The following DYNLT5 variants were observed in gnomAD, a reference collection of about 807,000 sequenced individuals.
The protein encoded by DYNLT5 is dynein light chain Tctex-type 5.
Under a neutral mutation model 19.3 loss-of-function variants are expected in DYNLT5, and 25 were observed. That is an observed-to-expected ratio of 1.30 (90% CI 0.95 to 1.81). The LOEUF (loss-of-function observed/expected upper bound fraction) is 1.81, where lower values mean the gene tolerates loss of function less well. DYNLT5 is among the 40% of genes most tolerant of loss of function. The pLI, the probability that DYNLT5 is intolerant of heterozygous loss-of-function variation, is 0.00. For synonymous variants in DYNLT5, 82 were observed against 68.9 expected (o/e 1.19, Z -0.94); for missense variants, 232 against 217.9 (o/e 1.06, Z -0.41).
intron 2 of DYNLT5, among the ~76,000 whole-genome samples, chr1:66,763,632 C>T (rs1183123349): frequency 6.6e-6 from 1 of 152,216 alleles, no homozygotes; most frequent in African/African-American, 2.4e-5. Flanking sequence ...TTTTATGTTA[C>T]AGAGATGGCT....
Position 66,754,710 on chromosome 1 carries a change from A to G in DYNLT5, c.52A>G (p.Arg18Gly). The change falls in exon 2 of 5, where the codon AGA becomes GGA. Residue 18 changes from arginine to glycine, a missense_variant. Arg to Gly is a moderately radical substitution (Grantham distance 125, BLOSUM62 -2). Transcript: ENST00000282670. ...CAGAGCAGCTCATTCATGGAAGAAA[A>G]GAGGGAGTATTTCTTCTCTAAGTAA... is the stretch of plus-strand genomic sequence containing the variant. ...KGRAAHSWKK[R>G]GSISSLSNHE... 2 of 1,613,484 alleles carry G rather than the reference A, an allele frequency of 1.2e-6. No individual in the cohort carries two copies. Among genetic ancestry groups the G allele is most frequent in the Admixed American group, 1.7e-5 (1 of 59,978 alleles).
intron 2 of DYNLT5, among the ~76,000 whole-genome samples, chr1:66,767,544 CA>C (rs1420799589): frequency 6.6e-6 from 1 of 152,192 alleles, no homozygotes; most frequent in African/African-American, 2.4e-5. Context: ...AGGCGTGAGC[CA>C]CCACTGCCAG....
chr1:66,777,532 C>A lies in DYNLT5; in HGVS notation c.*78C>A. 2.3e-6 allele frequency: 3 copies of A among 1,279,274 alleles called. No individual in the cohort carries two copies. Among genetic ancestry groups the A allele is most frequent in the Non-Finnish European group, 3.2e-6 (3 of 932,336 alleles). 79.2% of individuals were successfully genotyped at this position (1,279,274 alleles called of 1,614,324 possible). A position where few individuals can be genotyped will look rare whatever the true frequency, so the allele number is the denominator to read the frequency against. On this transcript the variant is annotated 3_prime_UTR_variant, in exon 5 of 5. Coordinates refer to ENST00000282670, the MANE Select transcript of DYNLT5 (RefSeq NM_152665.3). ...TGTCTGTACACAAAAGTTTTACTGCCAAAAACTTTGAGAAAGAAACAACAC... is the reference window on the plus strand; with the variant it reads ...TGTCTGTACACAAAAGTTTTACTGCAAAAAACTTTGAGAAAGAAACAACAC...
chr1:66,774,458 A>G (rs1440340835), intron 3 of DYNLT5, among the ~76,000 whole-genome samples: 3 of 152,148 alleles, frequency 2.0e-5, no homozygotes, highest in Non-Finnish European at 4.4e-5. Context: ...GTGGAATTCA[A>G]CAATTTCTAT....
intron 1 of DYNLT5, among the ~76,000 whole-genome samples, chr1:66,753,771 A>G (rs1049236921): frequency 8.0e-5 from 12 of 150,834 alleles, no homozygotes; most frequent in African/African-American, 2.4e-4. Flanking sequence ...CAACACAGAA[A>G]GATCTTGTCT....
At chr1:66,768,555 GATA>G (rs1437960485) in intron 2 of DYNLT5, 2 of 152,142 alleles carry the variant, frequency 1.3e-5, no homozygotes, top group East Asian at 3.9e-4. Context: ...GTTTCATAAT[GATA>G]ATAATATTAA....
intron 2 of DYNLT5, among the ~76,000 whole-genome samples, chr1:66,765,397 G>A (rs572231279): frequency 6.6e-6 from 1 of 151,984 alleles, no homozygotes; most frequent in East Asian, 1.9e-4. Flanking sequence ...AAAACATCTA[G>A]GTATAATAAT....
At chr1:66,777,179 T>A in intron 4 of DYNLT5, 72 bp from the exon 5 acceptor site, 1 of 1,303,890 alleles carries the variant, frequency 7.7e-7, no homozygotes. Flanking sequence ...TCCCTTATAT[T>A]TATAACAAAG....
At chr1:66,762,951 T>C (rs1283570935) in intron 2 of DYNLT5, among the ~76,000 whole-genome samples, 3 of 152,198 alleles carry the variant, frequency 2.0e-5, no homozygotes, top group Non-Finnish European at 4.4e-5. Flanking sequence ...ACATTTTGTA[T>C]GCATGTATCA....
intron 2 of DYNLT5, among the ~76,000 whole-genome samples, chr1:66,766,968 G>A (rs1418484391): frequency 6.6e-6 from 1 of 152,128 alleles, no homozygotes; most frequent in Non-Finnish European, 1.5e-5. Flanking sequence ...GGGAACGACA[G>A]ATACTGGGGC....
intron 2 of DYNLT5, among the ~76,000 whole-genome samples, chr1:66,767,611 C>A (rs371582021): frequency 6.6e-6 from 1 of 152,168 alleles, no homozygotes; most frequent in East Asian, 1.9e-4. Context: ...AGGTAGCAAA[C>A]TCTGCATTAG....
chr1:66,768,935 G>C (rs761990168), intron 2 of DYNLT5, among the ~76,000 whole-genome samples: 2 of 152,160 alleles, frequency 1.3e-5, no homozygotes, highest in Non-Finnish European at 2.9e-5. Context: ...GAAATGGGTA[G>C]AATAATGAAT....
chr1:66,778,965 C>T lies in DYNLT5; in HGVS notation c.*1511C>T, dbSNP rs1645254318. On this transcript the variant is annotated 3_prime_UTR_variant, in exon 5 of 5. Coordinates refer to ENST00000282670, the MANE Select transcript of DYNLT5 (RefSeq NM_152665.3). ...TTTCATTACACATTGGTGAACATCT[C>T]CCTTCGTGGAACAACAGCGGGGGTA... Among the ~76,000 whole-genome samples the T allele has an allele frequency of 6.6e-6, 1 of 152,164 alleles. No individual in the cohort carries two copies. The highest frequency in any genetic ancestry group is 1.5e-5 in the Non-Finnish European group (1 of 68,040).
chr1:66,762,736 C>G (rs192313229), intron 2 of DYNLT5, among the ~76,000 whole-genome samples: 1 of 152,072 alleles, frequency 6.6e-6, no homozygotes, highest in Admixed American at 6.6e-5. Context: ...TGAATACATA[C>G]AAAAATACAA....
intron 2 of DYNLT5, among the ~76,000 whole-genome samples, chr1:66,769,520 A>AAC (rs71590352): frequency 0.016 from 2,474 of 151,446 alleles, 78 homozygotes; most frequent in African/African-American, 0.057. Flanking sequence ...GGTCACTCTG[A>AAC]ACACACACAC....
Position 66,776,335 on chromosome 1 carries a change from A to C in DYNLT5, c.268A>C (p.Thr90Pro). The C allele has an allele frequency of 6.2e-7, 1 of 1,613,552 alleles. No individual in the cohort carries two copies. Among genetic ancestry groups the C allele is most frequent in the Non-Finnish European group, 8.5e-7 (1 of 1,179,700 alleles). Residue 90 changes from threonine (T) to proline (P), a missense_variant, in exon 4 of 5, where the codon ACC becomes CCC. Coordinates refer to ENST00000282670, the MANE Select transcript of DYNLT5 (RefSeq NM_152665.3). ...TVNHILKDVV[T>P]SYLQVEEYEP... ...CAATCATATTTTGAAAGATGTAGTA[A>C]CCAGCTATCTACAAGTAGAAGAATA...
intron 2 of DYNLT5, among the ~76,000 whole-genome samples, chr1:66,760,803 G>A (rs7524091): frequency 0.26 from 40,237 of 152,086 alleles, 5,618 homozygotes; most frequent in Non-Finnish European, 0.3. Context: ...TTCATCAGCT[G>A]TGCTTAACTA....
At chr1:66,755,636 A>G (rs905881837) in intron 2 of DYNLT5, 3 of 152,174 alleles carry the variant, frequency 2.0e-5, no homozygotes, top group African/African-American at 7.2e-5. Context: ...AAATCTTTCT[A>G]TTCTCAGAGT....
chr1:66,763,146 G>A (rs2094648842), intron 2 of DYNLT5, among the ~76,000 whole-genome samples: 1 of 152,206 alleles, frequency 6.6e-6, no homozygotes, highest in South Asian at 2.1e-4. Flanking sequence ...GAGCTCTTGG[G>A]TGACCAGGTG....
Sources: allele counts gnomAD v4.1 joint callset (sites outside exome capture counted in the v4.1 genomes callset), GRCh38; gene constraint gnomAD v4.1.1; transcripts MANE v1.5; gene names NCBI Gene and HGNC (gene_info 2026-07-23, HGNC 2026-07-21).